The following CACNA2D2 variants were observed in gnomAD, a reference collection of about 807,000 sequenced individuals.
The protein encoded by CACNA2D2 is voltage-dependent calcium channel subunit alpha-2/delta-2.
Under a neutral mutation model 166.4 loss-of-function variants are expected in CACNA2D2, and 48 were observed. The ratio of observed to expected loss-of-function variants is 0.29; its 90% CI spans 0.23 to 0.37. The LOEUF is 0.37. CACNA2D2 is among the 10% of genes least tolerant of loss of function. The pLI, the probability that CACNA2D2 is intolerant of heterozygous loss-of-function variation, is 1.00. For synonymous variants in CACNA2D2, 561 were observed against 573.7 expected (o/e 0.98, Z 0.32); for missense variants, 1,122 against 1,433.0 (o/e 0.78, Z 3.50).
chr3:50,365,999 C>T lies in CACNA2D2; in HGVS notation c.2862+12G>A, dbSNP rs369721045. 1.1e-5 allele frequency: 18 copies of T among 1,611,612 alleles called. No individual in the cohort carries two copies. Among genetic ancestry groups the T allele is most frequent in the Non-Finnish European group, 1.5e-5 (18 of 1,179,210 alleles). ...CCCCCCATCTCCAGTCCAGGCATCT[C>T]TGGGGACTCACCACAAAGACACCCC... is the stretch of plus-strand genomic sequence containing the variant. On this transcript the variant is annotated intron_variant, in intron 32 of 37. Coordinates refer to ENST00000424201, the MANE Select transcript of CACNA2D2 (RefSeq NM_006030.4). This position sits in a 1 kb window ranked among gnomAD's most constrained non-coding sequence, Gnocchi z 4.5.
At chr3:50,434,543 A>G in intron 2 of CACNA2D2, 114 bp from the exon 3 acceptor site, 1 of 775,956 alleles carries the variant, frequency 1.3e-6, no homozygotes, top group Non-Finnish European at 2.2e-6. Flanking sequence ...CCGCACCCAG[A>G]CCCTGTCTTT....
At chr3:50,460,853 CAAAAAAAAA>C (rs897953715) in intron 2 of CACNA2D2, among the ~76,000 whole-genome samples, 6 of 120,674 alleles carry the variant, frequency 5.0e-5, no homozygotes, top group Non-Finnish European at 1.0e-4. Flanking sequence ...GACTCCGTCT[CAAAAAAAAA>C]GAAAAAAAAA....
At chr3:50,461,960 G>A (rs536943285) in intron 2 of CACNA2D2, among the ~76,000 whole-genome samples, 2 of 152,334 alleles carry the variant, frequency 1.3e-5, no homozygotes, top group Non-Finnish European at 2.9e-5. Flanking sequence ...CAAGGTGGAA[G>A]GCTCTGGGCA....
intron 2 of CACNA2D2, among the ~76,000 whole-genome samples, chr3:50,471,123 C>A (rs1372800755): frequency 6.6e-6 from 1 of 152,142 alleles, no homozygotes; most frequent in East Asian, 1.9e-4. Flanking sequence ...GAGACGAGGG[C>A]ACCGCTGGGC....
chr3:50,372,294 A>G (rs1189183686), intron 22 of CACNA2D2, among the ~76,000 whole-genome samples: 1 of 151,984 alleles, frequency 6.6e-6, no homozygotes, highest in East Asian at 1.9e-4. Context: ...ATCCCATTCC[A>G]TCCCTGTCCA....
intron 22 of CACNA2D2, among the ~76,000 whole-genome samples, chr3:50,373,350 C>T (rs990898441): frequency 6.0e-5 from 9 of 150,076 alleles, no homozygotes; most frequent in African/African-American, 2.0e-4. Flanking sequence ...GGGGCCGGAG[C>T]CCCAGCCTCC....
chr3:50,456,722 A>T (rs1701124142), intron 2 of CACNA2D2, among the ~76,000 whole-genome samples: 2 of 152,178 alleles, frequency 1.3e-5, no homozygotes, highest in Admixed American at 6.5e-5. Context: ...AACTGCCTGA[A>T]CTAGGAACAC....
intron 2 of CACNA2D2, among the ~76,000 whole-genome samples, chr3:50,460,378 T>C (rs1709537936): frequency 6.6e-6 from 1 of 152,242 alleles, no homozygotes; most frequent in African/African-American, 2.4e-5. Flanking sequence ...TTAGGGAATT[T>C]ATGTACTATT....
chr3:50,458,474 G>C (rs1483598706), intron 2 of CACNA2D2, among the ~76,000 whole-genome samples: 1 of 152,180 alleles, frequency 6.6e-6, no homozygotes, highest in Non-Finnish European at 1.5e-5. Context: ...CAGGTGTAGT[G>C]AGAGGGTGGT....
At chr3:50,460,035 CCCCCGACA>C (rs1438882391) in intron 2 of CACNA2D2, among the ~76,000 whole-genome samples, 2 of 152,160 alleles carry the variant, frequency 1.3e-5, no homozygotes, top group Non-Finnish European at 2.9e-5. Flanking sequence ...CCGGAGTCAA[CCCCCGACA>C]CCCCTGCAGG....
chr3:50,393,385 G>A (rs936607366), intron 4 of CACNA2D2, among the ~76,000 whole-genome samples: 1 of 152,226 alleles, frequency 6.6e-6, no homozygotes, highest in African/African-American at 2.4e-5. Flanking sequence ...TGGCACTGGG[G>A]CTTCCTTGAA....
intron 2 of CACNA2D2, among the ~76,000 whole-genome samples, chr3:50,452,114 C>T (rs1441498706): frequency 6.6e-6 from 1 of 152,248 alleles, no homozygotes; most frequent in African/African-American, 2.4e-5. Context: ...TGTGGCTCCA[C>T]TGCCTGTGGT....
chr3:50,431,619 T>G (rs1354124552), intron 3 of CACNA2D2, among the ~76,000 whole-genome samples: 1 of 152,214 alleles, frequency 6.6e-6, no homozygotes, highest in East Asian at 1.9e-4. Context: ...GTGAGAATGA[T>G]GCATGATAGA....
At position 50,364,685 on chromosome 3, in the gene CACNA2D2, TGGACGA is replaced by T. The variant is rs1228128902; in HGVS notation, c.3407_3412del (p.Leu1136_Val1137del). 6.5e-7 allele frequency: 1 copy of T among 1,535,704 alleles called. No homozygotes were observed. The highest frequency in any genetic ancestry group is 8.8e-7 in the Non-Finnish European group (1 of 1,139,488). On this transcript the variant is annotated inframe_deletion, in exon 38 of 38. Transcript: ENST00000424201. ...GGGTGCTCAGAGGCGGCGAGAGGCG[TGGACGA>T]GGACTTGAGGCTGCGGCCGGGGCGG...
chr3:50,406,759 C>T (rs961908171), intron 3 of CACNA2D2, among the ~76,000 whole-genome samples: 10 of 151,760 alleles, frequency 6.6e-5, no homozygotes, highest in African/African-American at 1.9e-4. Flanking sequence ...CCACCTTTAC[C>T]ATCACTGTCA....
intron 1 of CACNA2D2, among the ~76,000 whole-genome samples, chr3:50,493,973 CTG>C (rs1417973524): frequency 1.3e-5 from 2 of 152,234 alleles, no homozygotes; most frequent in Non-Finnish European, 2.9e-5. Flanking sequence ...GGGCCGGAGG[CTG>C]GAGTCAGCCC....
At chr3:50,484,801 G>A (rs932048547) in intron 1 of CACNA2D2, among the ~76,000 whole-genome samples, 2 of 152,198 alleles carry the variant, frequency 1.3e-5, no homozygotes, top group African/African-American at 2.4e-5. Flanking sequence ...CTGCTCTCCC[G>A]CCTGGAAGAA....
intron 1 of CACNA2D2, among the ~76,000 whole-genome samples, chr3:50,501,765 T>C (rs543025919): frequency 6.0e-4 from 91 of 152,276 alleles, no homozygotes; most frequent in African/African-American, 2.1e-3. Context: ...AAAAAAATAA[T>C]GCTTTTGCTT....
intron 21 of CACNA2D2, 39 bp from the exon 22 acceptor site, chr3:50,374,852 C>T (rs750141807): frequency 9.4e-6 from 14 of 1,492,120 alleles, no homozygotes; most frequent in Middle Eastern, 1.9e-4. Context: ...TGGGGGGAGG[C>T]GGGCCACACT....
Sources: allele counts gnomAD v4.1 joint callset (sites outside exome capture counted in the v4.1 genomes callset), GRCh38; gene constraint gnomAD v4.1.1; non-coding constraint Gnocchi (gnomAD v3.1); transcripts MANE v1.5; gene names NCBI Gene and HGNC (gene_info 2026-07-23, HGNC 2026-07-21).